MALRD1: variants seen among roughly 807,000 people sequenced by gnomAD.
MALRD1 encodes MAM and LDL-receptor class A domain-containing protein 1.
A neutral mutation model predicts 242.1 loss-of-function variants in MALRD1; 247 were observed. The observed-to-expected ratio is 1.02, with a 90% CI of 0.92 to 1.13. MALRD1 has a LOEUF of 1.13. MALRD1 is among the 50% of genes most tolerant of loss of function. The probability of loss-of-function intolerance (pLI) is 0.00; values close to 1 mark genes in which losing one functional copy is unlikely to be tolerated. For missense variants in MALRD1, 2,989 were observed against 2,533.1 expected (o/e 1.18, Z -3.86); for synonymous variants, 995 against 866.6 (o/e 1.15, Z -2.60).
chr10:19,157,065 A>G (rs940741214), intron 12 of MALRD1, among the ~76,000 whole-genome samples: 4 of 152,146 alleles, frequency 2.6e-5, no homozygotes, highest in South Asian at 2.1e-4. Flanking sequence ...GCTTTTCTCT[A>G]TTTTAGGAGT....
chr10:19,068,073 C>T (rs1309615814), intron 2 of MALRD1, among the ~76,000 whole-genome samples: 1 of 152,108 alleles, frequency 6.6e-6, no homozygotes, highest in Non-Finnish European at 1.5e-5. Context: ...ATCTTGCTCC[C>T]AACCTAACGG....
chr10:19,100,774 C>T (rs1194870625), intron 4 of MALRD1, among the ~76,000 whole-genome samples: 8 of 151,746 alleles, frequency 5.3e-5, no homozygotes, highest in Non-Finnish European at 8.8e-5. Flanking sequence ...ATTTATCAAC[C>T]CTGAAGAGGA....
chr10:19,180,702 A>G (rs1347153037), intron 14 of MALRD1, among the ~76,000 whole-genome samples: 1 of 152,250 alleles, frequency 6.6e-6, no homozygotes, highest in African/African-American at 2.4e-5. Flanking sequence ...TGGCTACAAA[A>G]GCAGAAATAA....
chr10:19,258,282 A>G (rs1350384079), intron 19 of MALRD1, among the ~76,000 whole-genome samples: 2 of 152,124 alleles, frequency 1.3e-5, no homozygotes, highest in African/African-American at 4.8e-5. Flanking sequence ...TCATATACTC[A>G]CTACCTACTC....
intron 5 of MALRD1, among the ~76,000 whole-genome samples, chr10:19,104,767 G>T (rs1208435279): frequency 6.6e-6 from 1 of 152,058 alleles, no homozygotes; most frequent in Non-Finnish European, 1.5e-5. Context: ...TCTGAGTTCA[G>T]TTTGGTACAA....
rs1838021733 is a variant in MALRD1 at position 19,595,237 on chromosome 10, T to A, written c.5724T>A (p.Phe1908Leu). 6.5e-7 allele frequency: 1 copy of A among 1,550,278 alleles called. No individual in the cohort carries two copies. The highest frequency in any genetic ancestry group is 8.7e-7 in the Non-Finnish European group (1 of 1,146,884). Residue 1908 changes from phenylalanine (F) to leucine (L), a missense_variant, in exon 34 of 40, where the codon TTT becomes TTA. Transcript: ENST00000454679. ...CATCACCCTGTGAAGCTGATCAGTTTTCTTGTATCTACACACTCCAATGTG... is the reference window on the plus strand; with the variant it reads ...CATCACCCTGTGAAGCTGATCAGTTATCTTGTATCTACACACTCCAATGTG... ...VQPSPCEADQ[F>L]SCIYTLQCVP...
At chr10:19,611,928 C>A (rs1589306068) in intron 35 of MALRD1, among the ~76,000 whole-genome samples, 4 of 152,078 alleles carry the variant, frequency 2.6e-5, no homozygotes, top group Admixed American at 2.6e-4. Flanking sequence ...CTGTGCTCCA[C>A]TATAGAGCAT....
chr10:19,293,724 G>A (rs1159002646), intron 21 of MALRD1, among the ~76,000 whole-genome samples: 1 of 152,118 alleles, frequency 6.6e-6, no homozygotes, highest in Non-Finnish European at 1.5e-5. Flanking sequence ...TGGACGCAAA[G>A]AAGGGAACAA....
chr10:19,172,181 A>G (rs1387618842), intron 13 of MALRD1, among the ~76,000 whole-genome samples: 1 of 136,522 alleles, frequency 7.3e-6, no homozygotes, highest in Non-Finnish European at 1.6e-5. Context: ...ACATACATAT[A>G]TATACATATA....
At chr10:19,691,094 G>A (rs1253515689) in intron 36 of MALRD1, among the ~76,000 whole-genome samples, 3 of 151,992 alleles carry the variant, frequency 2.0e-5, no homozygotes, top group African/African-American at 7.2e-5. Context: ...TTGACAAGTA[G>A]GATTCACAAG....
At chr10:19,371,049 A>G (rs1292849469) in intron 26 of MALRD1, among the ~76,000 whole-genome samples, 1 of 147,906 alleles carries the variant, frequency 6.8e-6, no homozygotes, top group Non-Finnish European at 1.5e-5. Context: ...TAGGAGTTTT[A>G]GACCAGGCTG....
chr10:19,677,770 A>T (rs962336235), intron 36 of MALRD1, among the ~76,000 whole-genome samples: 1 of 152,138 alleles, frequency 6.6e-6, no homozygotes, highest in Non-Finnish European at 1.5e-5. Context: ...AGTATTGCCT[A>T]AATTTTCTTC....
intron 18 of MALRD1, among the ~76,000 whole-genome samples, chr10:19,220,849 T>G (rs937819987): frequency 6.6e-6 from 1 of 152,202 alleles, no homozygotes; most frequent in African/African-American, 2.4e-5. Context: ...TGTGAATTAT[T>G]TGGCACCCAG....
intron 4 of MALRD1, among the ~76,000 whole-genome samples, chr10:19,102,036 A>G (rs951775807): frequency 3.0e-5 from 4 of 134,888 alleles, no homozygotes; most frequent in Middle Eastern, 5.0e-3. Flanking sequence ...TATAAACTAT[A>G]TTTAATTATA....
At chr10:19,508,151 A>G (rs1392301093) in intron 31 of MALRD1, among the ~76,000 whole-genome samples, 2 of 152,306 alleles carry the variant, frequency 1.3e-5, no homozygotes, top group Non-Finnish European at 2.9e-5. Context: ...AAAATGTTAC[A>G]TGTAACTACT....
At chr10:19,726,311 G>A (rs1835022546) in intron 38 of MALRD1, among the ~76,000 whole-genome samples, 1 of 152,058 alleles carries the variant, frequency 6.6e-6, no homozygotes, top group African/African-American at 2.4e-5. Flanking sequence ...TTTCTTCAAA[G>A]AAGATTACAT....
At chr10:19,397,420 A>G (rs966654123) in intron 28 of MALRD1, among the ~76,000 whole-genome samples, 30 of 152,154 alleles carry the variant, frequency 2.0e-4, no homozygotes, top group African/African-American at 6.7e-4. Flanking sequence ...ACAGGATTTC[A>G]TTTTTTTAAT....
At chr10:19,360,281 A>G (rs77888048) in intron 26 of MALRD1, among the ~76,000 whole-genome samples, 2,632 of 152,210 alleles carry the variant, frequency 0.017, 77 homozygotes, top group African/African-American at 0.06. Context: ...CCAGGGATGA[A>G]CTGGGCCTTT....
chr10:19,217,746 G>A (rs1250332775), intron 18 of MALRD1, among the ~76,000 whole-genome samples: 2 of 152,004 alleles, frequency 1.3e-5, no homozygotes, highest in African/African-American at 2.4e-5. Flanking sequence ...GGATGGTCTC[G>A]ATCTCTTGAC....
Sources: gnomAD v4.1 joint callset for allele counts (sites outside exome capture counted in the v4.1 genomes callset) on GRCh38, gnomAD v4.1.1 for gene constraint, MANE v1.5 for transcripts, NCBI Gene and HGNC (gene_info 2026-07-23, HGNC 2026-07-21) for gene names.